SPAG16: variants seen among roughly 807,000 people sequenced by gnomAD.
The protein encoded by SPAG16 is sperm associated antigen 16.
In SPAG16, 86 loss-of-function variants were observed where a neutral mutation model predicts 80.4. That is an observed-to-expected ratio of 1.07 (90% CI 0.90 to 1.28). The LOEUF (loss-of-function observed/expected upper bound fraction) is 1.28, where lower values mean the gene tolerates loss of function less well. Among genes scored for constraint, SPAG16 ranks in the 50% most tolerant of loss-of-function variants. The probability of loss-of-function intolerance (pLI) is 0.00; values close to 1 mark genes in which losing one functional copy is unlikely to be tolerated. For missense variants in SPAG16, 870 were observed against 765.3 expected, an observed-to-expected ratio of 1.14 and a Z score of -1.61; for synonymous variants, 294 against 265.9, an observed-to-expected ratio of 1.11 and a Z score of -1.03.
chr2:214,038,677 T>G (rs190314941), intron 13 of SPAG16, among the ~76,000 whole-genome samples: 1,792 of 151,728 alleles, frequency 0.012, 20 homozygotes, highest in Non-Finnish European at 0.02. Context: ...TATCTCCAAA[T>G]GCTATCCCTC....
chr2:213,704,775 A>G (rs1204239044), intron 10 of SPAG16, among the ~76,000 whole-genome samples: 1 of 152,136 alleles, frequency 6.6e-6, no homozygotes, highest in Non-Finnish European at 1.5e-5. Context: ...GGCATTGAAG[A>G]GTTATTGGAG....
intron 15 of SPAG16, among the ~76,000 whole-genome samples, chr2:214,349,648 G>GA (rs1698274758): frequency 6.6e-6 from 1 of 152,178 alleles, no homozygotes; most frequent in Non-Finnish European, 1.5e-5. Flanking sequence ...AGTTTTATAA[G>GA]AAACTACCAG....
At chr2:213,778,363 G>C (rs1341421409) in intron 10 of SPAG16, among the ~76,000 whole-genome samples, 1 of 151,938 alleles carries the variant, frequency 6.6e-6, no homozygotes, top group African/African-American at 2.4e-5. Context: ...TAAAAGAAAG[G>C]GGAACACACT....
intron 10 of SPAG16, among the ~76,000 whole-genome samples, chr2:213,546,316 T>C (rs927085570): frequency 1.3e-5 from 2 of 151,760 alleles, no homozygotes; most frequent in Non-Finnish European, 2.9e-5. Flanking sequence ...CAGGTGCCCC[T>C]TTTTTTTAGC....
At chr2:214,092,032 T>G (rs184048033) in intron 13 of SPAG16, among the ~76,000 whole-genome samples, 1 of 152,278 alleles carries the variant, frequency 6.6e-6, no homozygotes, top group African/African-American at 2.4e-5. Flanking sequence ...CAAATGTATC[T>G]GATAGAAATA....
At chr2:213,763,898 G>GCTT (rs1452890481) in intron 10 of SPAG16, among the ~76,000 whole-genome samples, 1 of 152,194 alleles carries the variant, frequency 6.6e-6, no homozygotes, top group African/African-American at 2.4e-5. Flanking sequence ...TGAAGCAGCA[G>GCTT]CTTTTAATAT....
rs1012409089 is a variant in SPAG16 at position 213,643,167 on chromosome 2, G to A, written c.1070+153077G>A. On this transcript the variant is annotated intron_variant, in intron 10 of 15. Transcript: ENST00000331683. The stretch of plus-strand genomic sequence containing the variant: ...ATGCCTCAGCTTTTTGTCTGGGGAA[G>A]TCTTTATTTCTCTATGTTTAAAGAG... 5.3e-5 allele frequency among the ~76,000 whole-genome samples: 8 copies of A among 150,904 alleles called. No individual in the cohort carries two copies. In the East Asian group the frequency reaches 1.6e-3, roughly 29 times the overall value.
intron 11 of SPAG16, 113 bp downstream of exon 11, chr2:213,862,741 C>T (rs923826134): frequency 7.3e-5 from 85 of 1,167,978 alleles, no homozygotes; most frequent in Middle Eastern, 2.7e-4. Flanking sequence ...AACAACACAC[C>T]CTGCACTGAA....
intron 10 of SPAG16, among the ~76,000 whole-genome samples, chr2:213,833,014 C>A (rs1293347815): frequency 6.6e-6 from 1 of 151,974 alleles, no homozygotes; most frequent in Non-Finnish European, 1.5e-5. Flanking sequence ...CTTTTTGATT[C>A]AAATTTCCTT....
chr2:213,448,806 T>G (rs907232382), intron 9 of SPAG16, among the ~76,000 whole-genome samples: 6 of 152,316 alleles, frequency 3.9e-5, no homozygotes, highest in African/African-American at 1.4e-4. Flanking sequence ...TCAGGACCAC[T>G]GTAATAATTA....
chr2:213,983,413 A>G (rs1163269298), intron 12 of SPAG16, among the ~76,000 whole-genome samples: 1 of 151,938 alleles, frequency 6.6e-6, no homozygotes, highest in Non-Finnish European at 1.5e-5. Flanking sequence ...TGGTATTGTC[A>G]TCTTTGGTTT....
At chr2:214,021,408 T>G (rs997662103) in intron 13 of SPAG16, among the ~76,000 whole-genome samples, 3 of 152,162 alleles carry the variant, frequency 2.0e-5, no homozygotes, top group African/African-American at 7.2e-5. Context: ...CAAAAAGTAC[T>G]TCTTACACAG....
intron 15 of SPAG16, among the ~76,000 whole-genome samples, chr2:214,210,135 A>G (rs1166362376): frequency 6.6e-6 from 1 of 152,066 alleles, no homozygotes; most frequent in Admixed American, 6.6e-5. Context: ...GGTAAGGAAG[A>G]AGTTGGGGGG....
intron 13 of SPAG16, among the ~76,000 whole-genome samples, chr2:214,086,595 T>C (rs1425472350): frequency 1.3e-5 from 2 of 152,104 alleles, no homozygotes; most frequent in African/African-American, 4.8e-5. Flanking sequence ...TGTGAAGAGA[T>C]GCCTTCCACC....
At chr2:213,720,336 A>T (rs1416391635) in intron 10 of SPAG16, among the ~76,000 whole-genome samples, 2 of 151,748 alleles carry the variant, frequency 1.3e-5, no homozygotes, top group Non-Finnish European at 2.9e-5. Flanking sequence ...AAAGTATAAG[A>T]AAAAAAATAG....
chr2:213,945,669 C>T (rs1451921757), intron 12 of SPAG16, among the ~76,000 whole-genome samples: 1 of 152,054 alleles, frequency 6.6e-6, no homozygotes, highest in Admixed American at 6.6e-5. Context: ...ACAGACACAC[C>T]CAGGATCAAT....
intron 11 of SPAG16, among the ~76,000 whole-genome samples, chr2:213,875,459 A>C (rs968981392): frequency 6.6e-6 from 1 of 152,178 alleles, no homozygotes; most frequent in African/African-American, 2.4e-5. Context: ...ATAGACTATC[A>C]AATGAATGTG....
intron 10 of SPAG16, among the ~76,000 whole-genome samples, chr2:213,509,143 C>CCTGCCA (rs2075116385): frequency 6.6e-6 from 1 of 151,968 alleles, no homozygotes; most frequent in African/African-American, 2.4e-5. Context: ...ATTAAAGGCA[C>CCTGCCA]CTGCCACCAC....
chr2:213,387,431 C>CTTTTTTTTTTTTTTTTT lies in SPAG16; in HGVS notation c.942+12325_942+12341dup, dbSNP rs71060428. ...TTTGGGTTGGAATGAAATGCATGCTCTTTTTTTTTTTTTTTTTTTTTTTTT... is the reference window on the plus strand; with the variant it reads ...TTTGGGTTGGAATGAAATGCATGCTCTTTTTTTTTTTTTTTTTTTTTTTTTTTTTTTTTTTTTTTTTT... On this transcript the variant is annotated intron_variant, in intron 9 of 15. Transcript: ENST00000331683. 2.3e-4 allele frequency among the ~76,000 whole-genome samples: 11 copies of CTTTTTTTTTTTTTTTTT among 47,908 alleles called. 3 individuals are homozygous for CTTTTTTTTTTTTTTTTT. The highest frequency in any genetic ancestry group is 7.1e-4 in the Admixed American group (2 of 2,822). 31.4% of individuals were successfully genotyped at this position (47,908 alleles called of 152,430 possible).
Sources: allele counts gnomAD v4.1 joint callset (sites outside exome capture counted in the v4.1 genomes callset), GRCh38; gene constraint gnomAD v4.1.1; transcripts MANE v1.5; gene names NCBI Gene and HGNC (gene_info 2026-07-23, HGNC 2026-07-21).